TRPM6: variants seen among roughly 807,000 people sequenced by gnomAD.
TRPM6 encodes transient receptor potential cation channel subfamily M member 6.
Under a neutral mutation model 247.6 loss-of-function variants are expected in TRPM6, and 111 were observed. That is an observed-to-expected ratio of 0.45 (90% CI 0.38 to 0.52). TRPM6 has a LOEUF of 0.52. Ranked by LOEUF, TRPM6 falls within the 20% of genes least tolerant of loss-of-function variation. The pLI, the probability that TRPM6 is intolerant of heterozygous loss-of-function variation, is 0.00. For synonymous variants in TRPM6, 892 were observed against 853.8 expected (o/e 1.04, Z -0.78); for missense variants, 2,126 against 2,421.5 (o/e 0.88, Z 2.56).
At chr9:74,784,225 T>C (rs1827565428) in intron 21 of TRPM6, among the ~76,000 whole-genome samples, 1 of 144,492 alleles carries the variant, frequency 6.9e-6, no homozygotes, top group Non-Finnish European at 1.5e-5. Flanking sequence ...ATTGCGCCAC[T>C]GCACTCCAGC....
intron 37 of TRPM6, among the ~76,000 whole-genome samples, chr9:74,732,306 T>C (rs1417512889): frequency 6.6e-6 from 1 of 152,200 alleles, no homozygotes; most frequent in African/African-American, 2.4e-5. Flanking sequence ...ATGCTGCCCA[T>C]GATAAGATGC....
At chr9:74,750,421 T>C (rs1826204706) in intron 30 of TRPM6, among the ~76,000 whole-genome samples, 1 of 152,214 alleles carries the variant, frequency 6.6e-6, no homozygotes, top group South Asian at 2.1e-4. Flanking sequence ...GGCAAATGTT[T>C]AATTTGTTGT....
chr9:74,784,244 C>G (rs1000711271), intron 21 of TRPM6, among the ~76,000 whole-genome samples: 7 of 134,026 alleles, frequency 5.2e-5, no homozygotes, highest in South Asian at 2.3e-4. Context: ...GCCTGGACAA[C>G]AGAGCAAGAC....
chr9:74,855,834 T>A (rs1830506033), intron 2 of TRPM6, among the ~76,000 whole-genome samples: 1 of 152,194 alleles, frequency 6.6e-6, no homozygotes, highest in African/African-American at 2.4e-5. Context: ...CCCCAGTTTT[T>A]ATATCTGAAA....
chr9:74,742,434 C>T, intron 33 of TRPM6, 127 bp downstream of exon 33: 1 of 859,770 alleles, frequency 1.2e-6, no homozygotes, highest in Non-Finnish European at 1.9e-6. Flanking sequence ...AAATGAATCT[C>T]ACTAAACTAC....
At chr9:74,784,577 C>T (rs557906775) in intron 21 of TRPM6, among the ~76,000 whole-genome samples, 24 of 152,188 alleles carry the variant, frequency 1.6e-4, no homozygotes, top group East Asian at 5.8e-4. Context: ...CAAGAATAAA[C>T]GGATATTTTA....
chr9:74,851,770 A>G (rs1167069144), intron 3 of TRPM6, among the ~76,000 whole-genome samples: 1 of 142,720 alleles, frequency 7.0e-6, no homozygotes, highest in African/African-American at 2.5e-5. Flanking sequence ...AAAAATATAT[A>G]TATATAATAC....
At chr9:74,812,751 A>C in intron 11 of TRPM6, among the ~76,000 whole-genome samples, 1 of 151,998 alleles carries the variant, frequency 6.6e-6, no homozygotes, top group East Asian at 1.9e-4. Context: ...TTAGCCAGGC[A>C]TAGTGGCATG....
chr9:74,867,323 G>A (rs908323912), intron 1 of TRPM6, among the ~76,000 whole-genome samples: 1 of 152,126 alleles, frequency 6.6e-6, no homozygotes, highest in Non-Finnish European at 1.5e-5. Context: ...CCTCTGAAAA[G>A]GTCTTAGAGA....
intron 7 of TRPM6, among the ~76,000 whole-genome samples, chr9:74,823,169 C>T (rs1829191918): frequency 6.6e-6 from 1 of 152,178 alleles, no homozygotes. Context: ...CTCTGAGCCC[C>T]ATGTTTTCAG....
At chr9:74,758,073 T>C (rs1393237118) in intron 27 of TRPM6, among the ~76,000 whole-genome samples, 4 of 152,156 alleles carry the variant, frequency 2.6e-5, no homozygotes, top group Non-Finnish European at 5.9e-5. Flanking sequence ...TTCTTTGACA[T>C]ACACAAAAAA....
At chr9:74,756,900 A>G (rs1239575935) in intron 27 of TRPM6, among the ~76,000 whole-genome samples, 1 of 151,998 alleles carries the variant, frequency 6.6e-6, no homozygotes, top group Non-Finnish European at 1.5e-5. Flanking sequence ...CAAAGTTTCT[A>G]CCTTAACAAA....
chr9:74,887,782 C>G, intron 1 of TRPM6, 42 bp downstream of exon 1: 1 of 1,614,166 alleles, frequency 6.2e-7, no homozygotes, highest in East Asian at 2.2e-5. Context: ...AGCGAATCGC[C>G]TAAGGTCCTT....
intron 1 of TRPM6, among the ~76,000 whole-genome samples, chr9:74,867,860 A>G (rs1052429639): frequency 2.0e-5 from 3 of 152,246 alleles, no homozygotes; most frequent in Non-Finnish European, 4.4e-5. Context: ...ATTTAAAAAA[A>G]AATACTTTGA....
chr9:74,838,340 C>T (rs181046218), intron 5 of TRPM6, among the ~76,000 whole-genome samples: 1 of 152,188 alleles, frequency 6.6e-6, no homozygotes, highest in Non-Finnish European at 1.5e-5. Context: ...AGAACTCTGC[C>T]AACTTCAGTT....
intron 25 of TRPM6, among the ~76,000 whole-genome samples, chr9:74,769,047 T>C (rs1826923690): frequency 6.6e-6 from 1 of 152,224 alleles, no homozygotes; most frequent in Non-Finnish European, 1.5e-5. Flanking sequence ...TAGATAACTT[T>C]CATTGTACTC....
At chr9:74,817,033 C>A in intron 9 of TRPM6, 69 bp from the exon 10 acceptor site, 2 of 1,315,590 alleles carry the variant, frequency 1.5e-6, no homozygotes, top group East Asian at 4.6e-5. Flanking sequence ...AAAGAGTACC[C>A]ACAGAATTCA....
At position 74,724,276 on chromosome 9, in the gene TRPM6, C is replaced by A. The variant is rs905327081; in HGVS notation, c.*337G>T. 2.6e-6 allele frequency: 1 copy of A among 379,072 alleles called. No homozygotes were observed. Among genetic ancestry groups the A allele is most frequent in the South Asian group, 2.5e-5 (1 of 39,862 alleles). The allele number at this position is 379,072 out of a possible 1,614,324, so 23.5% of individuals were successfully genotyped here. A position where few individuals can be genotyped will look rare whatever the true frequency, so the allele number is the denominator to read the frequency against. ...AGAAAATAAAATAAATGTATCCCCC[C>A]CAACCCCATCCTTTAATGTGCAGGA... On this transcript the variant is annotated 3_prime_UTR_variant, in exon 39 of 39. Transcript: ENST00000360774.
chr9:74,827,761 G>T lies in TRPM6; in HGVS notation c.841+17C>A. 6.2e-7 allele frequency: 1 copy of T among 1,613,698 alleles called. No homozygotes were observed. On this transcript the variant is annotated intron_variant, in intron 7 of 38. Transcript: ENST00000360774. Reference sequence around the variant, plus strand: ...GCCTGCAACCAGACTGGGTGACTGAGCCCCTGTGATACTCACGGCAGTGTA... The same window carrying T: ...GCCTGCAACCAGACTGGGTGACTGATCCCCTGTGATACTCACGGCAGTGTA...
Sources: gnomAD v4.1 joint callset for allele counts (sites outside exome capture counted in the v4.1 genomes callset) on GRCh38, gnomAD v4.1.1 for gene constraint, MANE v1.5 for transcripts, NCBI Gene and HGNC (gene_info 2026-07-23, HGNC 2026-07-21) for gene names.